FER1L6: variants seen among roughly 807,000 people sequenced by gnomAD.
FER1L6 encodes the protein fer-1-like protein 6.
FER1L6 carries 177 observed loss-of-function variants against 219.2 expected under a neutral mutation model. The observed-to-expected ratio is 0.81, with a 90% confidence interval of 0.71 to 0.91. The LOEUF is 0.91. Ranked by LOEUF, FER1L6 falls within the 40% of genes least tolerant of loss-of-function variation. FER1L6 has a pLI of 0.00. For missense variants in FER1L6, 2,153 were observed against 2,259.9 expected, an observed-to-expected ratio of 0.95 and a Z score of 0.96; for synonymous variants, 768 against 824.3, an observed-to-expected ratio of 0.93 and a Z score of 1.17.
At chr8:123,997,638 A>G (rs777352420) in intron 12 of FER1L6, among the ~76,000 whole-genome samples, 2 of 152,116 alleles carry the variant, frequency 1.3e-5, no homozygotes, top group Non-Finnish European at 2.9e-5. Context: ...TTTGAGGCCA[A>G]TAATTCTCAG....
At chr8:124,086,875 G>T (rs998328011) in intron 33 of FER1L6, among the ~76,000 whole-genome samples, 9 of 151,940 alleles carry the variant, frequency 5.9e-5, no homozygotes, top group Non-Finnish European at 1.2e-4. Flanking sequence ...TAAGCTAAAA[G>T]TTTTTTTTCC....
intron 1 of FER1L6, among the ~76,000 whole-genome samples, chr8:123,929,949 TCC>T (rs1813706684): frequency 6.7e-6 from 1 of 149,838 alleles, no homozygotes; most frequent in Non-Finnish European, 1.5e-5. Context: ...TTGTACATTT[TCC>T]TACTAGATGG....
intron 1 of FER1L6, among the ~76,000 whole-genome samples, chr8:123,858,419 A>G (rs1816685850): frequency 6.6e-6 from 1 of 152,228 alleles, no homozygotes; most frequent in African/African-American, 2.4e-5. Context: ...TAGCTGCTGT[A>G]ACAGATATAC....
At chr8:123,949,851 T>C (rs1412153599) in intron 1 of FER1L6, among the ~76,000 whole-genome samples, 1 of 152,060 alleles carries the variant, frequency 6.6e-6, no homozygotes, top group African/African-American at 2.4e-5. Flanking sequence ...CACCAAAAGA[T>C]AATCAAGCAA....
intron 24 of FER1L6, 64 bp from the exon 25 acceptor site, chr8:124,061,787 CT>C: frequency 1.3e-6 from 2 of 1,511,890 alleles, no homozygotes; most frequent in Non-Finnish European, 1.8e-6. Context: ...GGATGCCCAG[CT>C]GGCTTTGGGT....
intron 2 of FER1L6, among the ~76,000 whole-genome samples, chr8:123,956,314 AG>A (rs1421059086): frequency 7.9e-5 from 12 of 152,242 alleles, no homozygotes; most frequent in Admixed American, 2.0e-4. Flanking sequence ...AAACAGCAGC[AG>A]GGTTCAAACT....
At chr8:123,866,165 A>T (rs548435343) in intron 1 of FER1L6, among the ~76,000 whole-genome samples, 2 of 152,036 alleles carry the variant, frequency 1.3e-5, no homozygotes, top group South Asian at 4.1e-4. Context: ...TTTAGATTCC[A>T]CATATAGGTG....
chr8:123,952,571 G>A (rs763009258), intron 1 of FER1L6, among the ~76,000 whole-genome samples: 8 of 152,124 alleles, frequency 5.3e-5, no homozygotes, highest in African/African-American at 1.9e-4. Flanking sequence ...TTTGTGAAGT[G>A]GGAGGGTTCT....
chr8:123,885,858 C>T (rs1279902866), intron 1 of FER1L6, among the ~76,000 whole-genome samples: 2 of 152,190 alleles, frequency 1.3e-5, no homozygotes, highest in East Asian at 1.9e-4. Context: ...TGGAGCCATG[C>T]TACTTCTCCA....
At chr8:123,902,634 C>T (rs1039530628) in intron 1 of FER1L6, among the ~76,000 whole-genome samples, 8 of 152,132 alleles carry the variant, frequency 5.3e-5, no homozygotes, top group South Asian at 4.1e-4. Flanking sequence ...TACCCCTGCT[C>T]GCTTTTGGTG....
intron 1 of FER1L6, among the ~76,000 whole-genome samples, chr8:123,866,841 A>C (rs1816846935): frequency 6.6e-6 from 1 of 151,752 alleles, no homozygotes; most frequent in South Asian, 2.1e-4. Flanking sequence ...CTGATCTCCA[A>C]CTCCTGGCCT....
intron 13 of FER1L6, chr8:124,004,138 A>G (rs1173869666): frequency 2.1e-5 from 3 of 146,176 alleles, no homozygotes; most frequent in Admixed American, 1.4e-4. Flanking sequence ...AAAAAAAAAC[A>G]ATTGTCAGGC....
intron 1 of FER1L6, among the ~76,000 whole-genome samples, chr8:123,903,460 A>G (rs550448791): frequency 6.6e-6 from 1 of 152,342 alleles, no homozygotes; most frequent in East Asian, 1.9e-4. Flanking sequence ...GAAATAGATG[A>G]TTCTGATGAT....
At chr8:124,018,925 T>C (rs552188713) in intron 16 of FER1L6, among the ~76,000 whole-genome samples, 2 of 152,324 alleles carry the variant, frequency 1.3e-5, no homozygotes, top group East Asian at 3.9e-4. Flanking sequence ...TCTTAATGAC[T>C]CTGGAACGAA....
chr8:124,066,659 C>A, intron 27 of FER1L6, 109 bp downstream of exon 27: 1 of 1,229,930 alleles, frequency 8.1e-7, no homozygotes, highest in Admixed American at 2.3e-5. Context: ...TATACATAGA[C>A]CCTACTCAGG....
intron 1 of FER1L6, among the ~76,000 whole-genome samples, chr8:123,940,355 C>G (rs1814186785): frequency 6.7e-6 from 1 of 149,596 alleles, no homozygotes; most frequent in Non-Finnish European, 1.5e-5. Flanking sequence ...AGTTACAGAA[C>G]TTTTTTTTTT....
intron 1 of FER1L6, among the ~76,000 whole-genome samples, chr8:123,898,767 ATGTG>A (rs1426734712): frequency 2.7e-5 from 4 of 145,732 alleles, no homozygotes; most frequent in Non-Finnish European, 4.5e-5. Flanking sequence ...ACACATATAT[ATGTG>A]TATATATACG....
chr8:124,001,680 A>C (rs1817417164), intron 12 of FER1L6, among the ~76,000 whole-genome samples: 1 of 152,244 alleles, frequency 6.6e-6, no homozygotes, highest in East Asian at 1.9e-4. Flanking sequence ...ACTGGAATGA[A>C]CTGGGAGAAA....
intron 18 of FER1L6, among the ~76,000 whole-genome samples, chr8:124,026,714 T>A (rs60006566): frequency 8.6e-6 from 1 of 116,418 alleles, no homozygotes; most frequent in African/African-American, 3.4e-5. Flanking sequence ...GATGTGATTT[T>A]TTTTTTTAAA....
Sources: gnomAD v4.1 joint callset for allele counts (sites outside exome capture counted in the v4.1 genomes callset) on GRCh38, gnomAD v4.1.1 for gene constraint, MANE v1.5 for transcripts, NCBI Gene and HGNC (gene_info 2026-07-23, HGNC 2026-07-21) for gene names.